The following VMA21 variants were observed in gnomAD, a reference collection of about 807,000 sequenced individuals.
VMA21 encodes vacuolar ATPase assembly factor VMA21.
For missense variants in VMA21, 61 were observed against 80.6 expected (o/e 0.76, Z 0.93); for synonymous variants, 47 against 34.1 (o/e 1.38, Z -1.32).
chrX:151,397,479 C>A, intron 1 of VMA21, 118 bp downstream of exon 1: 1 of 847,493 alleles, frequency 1.2e-6, no homozygotes, highest in Non-Finnish European at 1.6e-6. Flanking sequence ...GACCTGGCCT[C>A]AGGGAAGGGG....
rs1030258944 is a variant in VMA21, at chrX:151,406,765, G to C, written c.*1707G>C. The C allele has an allele frequency of 8.9e-6, 1 of 111,747 alleles. No homozygotes were observed. The highest frequency in any genetic ancestry group is 3.3e-5 in the African/African-American group (1 of 30,713). 9.2% of individuals were successfully genotyped at this position (111,747 alleles called of 1,213,427 possible). ...CTGTTACTGATAATCCTAATACTAG[G>C]ATTCTTGCTTAAGTATGTGAAACCA... On this transcript the variant is annotated 3_prime_UTR_variant, in exon 3 of 3. Coordinates refer to ENST00000330374, the MANE Select transcript of VMA21 (RefSeq NM_001017980.4).
At position 151,409,018 on chromosome X, in the gene VMA21, C is replaced by T. The variant is rs754831698; in HGVS notation, c.*3960C>T. 4.4e-5 allele frequency: 5 copies of T among 112,869 alleles called. No individual in the cohort carries two copies. In the South Asian group the frequency reaches 1.5e-3, roughly 33 times the overall value. The allele number at this position is 112,869 out of a possible 1,213,427, so 9.3% of individuals were successfully genotyped here. On this transcript the variant is annotated 3_prime_UTR_variant, in exon 3 of 3. Coordinates refer to ENST00000330374, the MANE Select transcript of VMA21 (RefSeq NM_001017980.4). Reference sequence around the variant, plus strand: ...ACAGCACCTTACAGTTTGCAAAGAACGTTCACACATTCTCATTTGAGTTTT... The same window carrying T: ...ACAGCACCTTACAGTTTGCAAAGAATGTTCACACATTCTCATTTGAGTTTT...
At chrX:151,396,924 A>G (rs1441965179), upstream of VMA21, 1 of 523,928 alleles carries the variant, frequency 1.9e-6, no homozygotes, top group South Asian at 2.5e-5. Context: ...GGGGCGGCGT[A>G]GCCGCCGCCC....
Position 151,405,066 on chromosome X carries a change from A to G in VMA21, c.*8A>G. The G allele has an allele frequency of 8.3e-7, 1 of 1,209,792 alleles. No homozygotes were observed. The highest frequency in any genetic ancestry group is 2.2e-5 in the Admixed American group (1 of 46,024). On this transcript the variant is annotated 3_prime_UTR_variant, in exon 3 of 3. Transcript: ENST00000330374. Reference sequence around the variant, plus strand: ...GAAGGCAAACAGGATTAAAGTGAACATCACCTTTTTATAGCATTAAATTCA... The same window carrying G: ...GAAGGCAAACAGGATTAAAGTGAACGTCACCTTTTTATAGCATTAAATTCA...
At chrX:151,399,216 G>T (rs2011218894) in intron 1 of VMA21, among the ~76,000 whole-genome samples, 1 of 112,288 alleles carries the variant, frequency 8.9e-6, no homozygotes, top group African/African-American at 3.2e-5. Context: ...AAGTGAGAAG[G>T]AATTAGCCAT....
At chrX:151,403,843 T>C (rs1462425234) in intron 2 of VMA21, 103 bp downstream of exon 2, 1 of 587,184 alleles carries the variant, frequency 1.7e-6, no homozygotes, top group Non-Finnish European at 2.8e-6. Context: ...ATTTTTTTCT[T>C]GTTTAGCTTT....
In VMA21 at chrX:151,406,968, A is replaced by G. The variant is rs1021871508; in HGVS notation, c.*1910A>G. On this transcript the variant is annotated 3_prime_UTR_variant, in exon 3 of 3. Transcript: ENST00000330374. ...CTTGCTTAAAGACTACAATTTTAGT[A>G]TAATGACATTTGAGTCTAGGGTAGT... 1.8e-5 allele frequency: 2 copies of G among 112,655 alleles called. No individual in the cohort carries two copies. Among genetic ancestry groups the G allele is most frequent in the Non-Finnish European group, 3.7e-5 (2 of 53,370 alleles). The allele number at this position is 112,655 out of a possible 1,213,427, so 9.3% of individuals were successfully genotyped here.
Position 151,408,778 on chromosome X carries a change from T to C in VMA21, c.*3720T>C, listed in dbSNP as rs1029349056. ...CATAATCTATGAATAGCTTAATCCT[T>C]TATATATTCCTTAAAATAGGAATTC... On this transcript the variant is annotated 3_prime_UTR_variant, in exon 3 of 3. Transcript: ENST00000330374. 3.5e-5 allele frequency: 4 copies of C among 112,767 alleles called. No individual in the cohort carries two copies. Among genetic ancestry groups the C allele is most frequent in the African/African-American group, 1.3e-4 (4 of 30,950 alleles). 9.3% of individuals were successfully genotyped at this position (112,767 alleles called of 1,213,427 possible).
At chrX:151,404,065 T>A (rs1267899174) in intron 2 of VMA21, among the ~76,000 whole-genome samples, 2 of 85,339 alleles carry the variant, frequency 2.3e-5, no homozygotes, top group Non-Finnish European at 4.3e-5. Flanking sequence ...AGTCCCCTTT[T>A]TGATGTTGAA....
upstream of VMA21, chrX:151,397,077 G>GC (rs372189028): frequency 6.3e-3 from 2,832 of 450,723 alleles, 65 homozygotes; most frequent in African/African-American, 0.062. Context: ...GTGAGCGCCC[G>GC]CCCCCGCGCC....
chrX:151,396,647 GGTGA>G (rs904647774), upstream of VMA21: 1 of 371,537 alleles, frequency 2.7e-6, no homozygotes, highest in Non-Finnish European at 4.7e-6. Context: ...TACGGACTCG[GGTGA>G]GTGTTTTAAC....
At position 151,403,709 on chromosome X, in the gene VMA21, A is replaced by C. The variant is rs977318450; in HGVS notation, c.132A>C (p.Leu44Phe). 1 of 1,203,764 alleles carries C rather than the reference A, an allele frequency of 8.3e-7. No homozygotes were observed. The highest frequency in any genetic ancestry group is 1.1e-6 in the Non-Finnish European group (1 of 889,275). Residue 44 changes from leucine (L) to phenylalanine (F), a missense_variant, in exon 2 of 3, where the codon TTA becomes TTC. Physicochemically the swap from Leu to Phe is conservative, Grantham distance 22. Coordinates refer to ENST00000330374, the MANE Select transcript of VMA21 (RefSeq NM_001017980.4). ...TALMITVPIG[L>F]YFTTKSYIFE... ...TAATGATCACTGTTCCTATTGGGTT[A>C]TATTTCACAACTAAATCTTACATAT...
rs2011288077 is a variant in VMA21, at chrX:151,406,021, T to C, written c.*963T>C. On this transcript the variant is annotated 3_prime_UTR_variant, in exon 3 of 3. Transcript: ENST00000330374. ...AAAACCTTGATTTTATTTTCGTATC[T>C]TTAGTCTGTGTTCTTTCTAGTTATT... The C allele has an allele frequency of 8.9e-6, 1 of 111,736 alleles. No homozygotes were observed. The highest frequency in any genetic ancestry group is 9.5e-5 in the Admixed American group (1 of 10,514). The allele number at this position is 111,736 out of a possible 1,213,427, so 9.2% of individuals were successfully genotyped here.
rs2011319980 is a variant in VMA21, at chrX:151,408,589, T to G, written c.*3531T>G. On this transcript the variant is annotated 3_prime_UTR_variant, in exon 3 of 3. Transcript: ENST00000330374. ...TCACCCACCAGATTAGTATAACTAT[T>G]AATTCAGACTGTACTCCTATGTTTA... is the stretch of plus-strand genomic sequence containing the variant. 1 of 112,522 alleles carries G rather than the reference T, an allele frequency of 8.9e-6. No individual in the cohort carries two copies. The highest frequency in any genetic ancestry group is 3.6e-4 in the South Asian group (1 of 2,742). The allele number at this position is 112,522 out of a possible 1,213,427, so 9.3% of individuals were successfully genotyped here. A position where few individuals can be genotyped will look rare whatever the true frequency, so the allele number is the denominator to read the frequency against.
Position 151,404,923 on chromosome X carries a change from T to C in VMA21, c.171T>C (p.Leu57=). Residue 57 remains leucine, a synonymous_variant, in exon 3 of 3, where the codon CTT becomes CTC. Transcript: ENST00000330374. ...TTTTTTTTCTCTTGATAGGCGCCCT[T>C]GGGATGTCCAATAGGGACAGCTATT... ...TTKSYIFEGA[L]GMSNRDSYFY... is the part of the protein sequence containing the mutation. 8.3e-7 allele frequency: 1 copy of C among 1,210,774 alleles called. No homozygotes were observed.
At position 151,407,985 on chromosome X, in the gene VMA21, G is replaced by A. The variant is rs1009445930; in HGVS notation, c.*2927G>A. ...CGGCTCGCTGCAACCTCCGCCTCCC[G>A]GGTTCAAGCAGTTCTCCTGCCTCAG... On this transcript the variant is annotated 3_prime_UTR_variant, in exon 3 of 3. Transcript: ENST00000330374. The A allele has an allele frequency of 9.2e-6, 1 of 108,269 alleles. No homozygotes were observed. Among genetic ancestry groups the A allele is most frequent in the Non-Finnish European group, 1.9e-5 (1 of 52,317 alleles). The allele number at this position is 108,269 out of a possible 1,213,427, so 8.9% of individuals were successfully genotyped here.
At chrX:151,396,668 C>T (rs2011191278), upstream of VMA21, 1 of 398,713 alleles carries the variant, frequency 2.5e-6, no homozygotes, top group African/African-American at 2.5e-5. Flanking sequence ...TAACTCCTCC[C>T]AGCTGCCAAG....
At chrX:151,397,943 A>G (rs2011206941) in intron 1 of VMA21, among the ~76,000 whole-genome samples, 1 of 111,583 alleles carries the variant, frequency 9.0e-6, no homozygotes, top group South Asian at 3.8e-4. Flanking sequence ...TGCCAGGCTC[A>G]GTGCACGTGC....
At chrX:151,398,747 G>C (rs2011214587) in intron 1 of VMA21, among the ~76,000 whole-genome samples, 1 of 112,091 alleles carries the variant, frequency 8.9e-6, no homozygotes, top group South Asian at 3.7e-4. Context: ...TGTCTTACTT[G>C]CTACAAAAGG....
Sources: allele counts gnomAD v4.1 joint callset (sites outside exome capture counted in the v4.1 genomes callset), GRCh38; gene constraint gnomAD v4.1.1; transcripts MANE v1.5; gene names NCBI Gene and HGNC (gene_info 2026-07-23, HGNC 2026-07-21).